SLC1A1: variants seen among roughly 807,000 people sequenced by gnomAD.
SLC1A1 encodes solute carrier family 1 member 1.
Under a neutral mutation model 53.3 loss-of-function variants are expected in SLC1A1, and 43 were observed. That is an observed-to-expected ratio of 0.81 (90% CI 0.63 to 1.04). The LOEUF is 1.04. SLC1A1 is among the 50% of genes least tolerant of loss of function. SLC1A1 has a pLI of 0.00. For missense variants in SLC1A1, 748 were observed against 664.9 expected (o/e 1.12, Z -1.37); for synonymous variants, 307 against 243.2 (o/e 1.26, Z -2.44).
intron 1 of SLC1A1, 54 bp from the exon 2 acceptor site, chr9:4,544,513 C>G (rs2130878263): frequency 1.3e-6 from 2 of 1,526,594 alleles, no homozygotes; most frequent in East Asian, 4.5e-5. Context: ...GACATAGATA[C>G]AGGAGAACTC....
intron 1 of SLC1A1, among the ~76,000 whole-genome samples, chr9:4,521,415 C>G (rs191579735): frequency 2.4e-4 from 37 of 152,276 alleles, no homozygotes; most frequent in African/African-American, 8.7e-4. Flanking sequence ...CATTAATCCC[C>G]TCTGCCACCT....
chr9:4,578,578 T>C (rs1379311405), intron 10 of SLC1A1, among the ~76,000 whole-genome samples: 1 of 152,166 alleles, frequency 6.6e-6, no homozygotes, highest in Non-Finnish European at 1.5e-5. Context: ...AACCTTGGTA[T>C]CATGGAAACC....
intron 6 of SLC1A1, among the ~76,000 whole-genome samples, chr9:4,568,780 T>G (rs1246344176): frequency 1.3e-5 from 2 of 152,056 alleles, no homozygotes; most frequent in African/African-American, 4.8e-5. Flanking sequence ...GACTGTGATG[T>G]GCCTTAGGGA....
chr9:4,512,374 G>A (rs1003308869), intron 1 of SLC1A1, among the ~76,000 whole-genome samples: 1 of 152,126 alleles, frequency 6.6e-6, no homozygotes, highest in Non-Finnish European at 1.5e-5. Context: ...CAGGCATGGT[G>A]GCATGCGCCT....
chr9:4,523,322 A>C (rs4742003), intron 1 of SLC1A1, among the ~76,000 whole-genome samples: 45,648 of 151,878 alleles, frequency 0.3, 6,885 homozygotes, highest in South Asian at 0.38. Context: ...TCACATTGGA[A>C]ATAATTTCAG....
chr9:4,533,879 C>G lies in SLC1A1; in HGVS notation c.92-10688C>G, dbSNP rs547097044. Among the ~76,000 whole-genome samples, 201 of 152,302 alleles carry G rather than the reference C, an allele frequency of 1.3e-3. 1 individual carries two copies. Among genetic ancestry groups the G allele is most frequent in the African/African-American group, 4.7e-3 (194 of 41,580 alleles). On this transcript the variant is annotated intron_variant, in intron 1 of 11. Transcript: ENST00000262352. ...ACTGTCTCTCAGACCACAGTGCAAT[C>G]AAACTAGAACTCAGGATTGAGAAAC...
At chr9:4,505,045 C>CTTTTTT (rs3038189) in intron 1 of SLC1A1, among the ~76,000 whole-genome samples, 1,388 of 114,932 alleles carry the variant, frequency 0.012, 50 homozygotes, top group South Asian at 0.017. Flanking sequence ...ACATATATTT[C>CTTTTTT]TTTTTTTTTT....
chr9:4,572,252 A>G lies in SLC1A1; in HGVS notation c.631A>G (p.Asn211Asp). 6.2e-7 allele frequency: 1 copy of G among 1,614,166 alleles called. No homozygotes were observed. Among genetic ancestry groups the G allele is most frequent in the Non-Finnish European group, 8.5e-7 (1 of 1,179,998 alleles). Residue 211 changes from asparagine to aspartate, a missense_variant, in exon 7 of 12, where the codon AAC (asparagine) becomes GAC (aspartate). Physicochemically the swap from Asn to Asp is conservative, Grantham distance 23. Coordinates refer to ENST00000262352, the MANE Select transcript of SLC1A1 (RefSeq NM_004170.6). ...KIVGMYSDGI[N>D]VLGLIVFCLV... Reference sequence around the variant, plus strand: ...TGTTGGCATGTATTCAGATGGCATAAACGTCCTGGGCTTGATTGTCTTTTG... The same window carrying G: ...TGTTGGCATGTATTCAGATGGCATAGACGTCCTGGGCTTGATTGTCTTTTG...
At chr9:4,567,574 T>C in intron 5 of SLC1A1, 95 bp from the exon 6 acceptor site, 2 of 786,178 alleles carry the variant, frequency 2.5e-6, no homozygotes, top group Non-Finnish European at 4.4e-6. Flanking sequence ...AGTGGCACTG[T>C]TTGGCCAAAA....
At chr9:4,537,598 TAAA>T (rs552005556) in intron 1 of SLC1A1, among the ~76,000 whole-genome samples, 1 of 125,046 alleles carries the variant, frequency 8.0e-6, no homozygotes, top group African/African-American at 3.1e-5. Context: ...TAAAATAAAA[TAAA>T]AAAAAAAAAA....
At chr9:4,532,427 A>G (rs576760243) in intron 1 of SLC1A1, among the ~76,000 whole-genome samples, 127 of 152,318 alleles carry the variant, frequency 8.3e-4, no homozygotes, top group African/African-American at 2.9e-3. Context: ...CACAAGCCTC[A>G]GTAGCCGATT....
intron 1 of SLC1A1, among the ~76,000 whole-genome samples, chr9:4,536,806 A>G (rs1466462775): frequency 6.6e-6 from 1 of 152,086 alleles, no homozygotes; most frequent in Non-Finnish European, 1.5e-5. Context: ...ATGTCCAACA[A>G]TGATAGACTG....
At chr9:4,516,631 G>A (rs1821170159) in intron 1 of SLC1A1, among the ~76,000 whole-genome samples, 1 of 152,146 alleles carries the variant, frequency 6.6e-6, no homozygotes, top group South Asian at 2.1e-4. Flanking sequence ...TCAACTGCCT[G>A]ATTTCCCTAT....
intron 1 of SLC1A1, among the ~76,000 whole-genome samples, chr9:4,513,673 G>T (rs1821068402): frequency 6.6e-6 from 1 of 152,156 alleles, no homozygotes; most frequent in Non-Finnish European, 1.5e-5. Flanking sequence ...ACAGCTTTAT[G>T]ATATGGCACA....
rs1223531328 is a variant in SLC1A1 at position 4,534,170 on chromosome 9, A to G, written c.92-10397A>G. On this transcript the variant is annotated intron_variant, in intron 1 of 11. Coordinates refer to ENST00000262352, the MANE Select transcript of SLC1A1 (RefSeq NM_004170.6). ...AAGAACTAGAGAGGCAAGAGCAAAC[A>G]CATTCAAAAGCTAGCAGAAGGCAAG... Among the ~76,000 whole-genome samples, 3 of 152,198 alleles carry G rather than the reference A, an allele frequency of 2.0e-5. No homozygotes were observed. The East Asian group carries it at 5.8e-4, about 29-fold the overall frequency.
intron 1 of SLC1A1, among the ~76,000 whole-genome samples, chr9:4,514,230 T>C (rs1451796050): frequency 6.6e-6 from 1 of 152,218 alleles, no homozygotes; most frequent in Non-Finnish European, 1.5e-5. Flanking sequence ...AAGAGTCAGT[T>C]GGTGCATACA....
Position 4,494,032 on chromosome 9 carries a change from C to T in SLC1A1, c.91+3262C>T, listed in dbSNP as rs528189233. Reference sequence around the variant, plus strand: ...GTTAGGTGACCATCTTTTTAAATTTCTGCGACACCCTACATGGTCCTGAAA... The same window carrying T: ...GTTAGGTGACCATCTTTTTAAATTTTTGCGACACCCTACATGGTCCTGAAA... On this transcript the variant is annotated intron_variant, in intron 1 of 11. Transcript: ENST00000262352. Among the ~76,000 whole-genome samples the T allele has an allele frequency of 1.4e-3, 206 of 152,336 alleles. 1 individual carries two copies. Among genetic ancestry groups the T allele is most frequent in the Non-Finnish European group, 2.6e-3 (179 of 68,034 alleles).
chr9:4,532,221 T>A (rs909355685), intron 1 of SLC1A1, among the ~76,000 whole-genome samples: 2 of 152,042 alleles, frequency 1.3e-5, no homozygotes, highest in African/African-American at 4.8e-5. Context: ...AGAATGACGT[T>A]GACGAGTTGA....
rs149969951 is a variant in SLC1A1, at chr9:4,564,428, G to A, written c.410G>A (p.Ser137Asn). The A allele has an allele frequency of 5.3e-5, 86 of 1,613,394 alleles. No homozygotes were observed. In the African/African-American group the frequency reaches 8.4e-4, roughly 16 times the overall value. Residue 137 changes from serine to asparagine, a missense_variant, in exon 4 of 12, where the codon AGT (serine) becomes AAT (asparagine). Physicochemically the swap from Ser to Asn is conservative, Grantham distance 46. Transcript: ENST00000262352. ...AGGACAGGCAGCACCCCTGAAGTCA[G>A]TACGGTGGATGCCATGTTAGATCTC... The part of the protein sequence containing the change: ...IARTGSTPEV[S>N]TVDAMLDLIR...
Sources: gnomAD v4.1 joint callset for allele counts (sites outside exome capture counted in the v4.1 genomes callset) on GRCh38, gnomAD v4.1.1 for gene constraint, MANE v1.5 for transcripts, NCBI Gene and HGNC (gene_info 2026-07-23, HGNC 2026-07-21) for gene names.